DPF3: variants seen among roughly 807,000 people sequenced by gnomAD.
The protein encoded by DPF3 is double PHD fingers 3, also known as zinc finger protein DPF3.
In DPF3, 18 loss-of-function variants were observed where a neutral mutation model predicts 56.8. The ratio of observed to expected loss-of-function variants is 0.32; its 90% confidence interval spans 0.22 to 0.47. The LOEUF is 0.47. DPF3 is among the 20% of genes least tolerant of loss of function. The pLI, the probability that DPF3 is intolerant of heterozygous loss-of-function variation, is 1.00. For missense variants in DPF3, 403 were observed against 488.8 expected (o/e 0.82, Z 1.65); for synonymous variants, 188 against 180.2 (o/e 1.04, Z -0.35).
chr14:72,800,060 C>A (rs1892808481), intron 1 of DPF3, among the ~76,000 whole-genome samples: 1 of 152,138 alleles, frequency 6.6e-6, no homozygotes, highest in South Asian at 2.1e-4. Context: ...AAAAGCCCTG[C>A]CTGATGCACA....
intron 5 of DPF3, among the ~76,000 whole-genome samples, chr14:72,715,972 C>T (rs969382264): frequency 2.6e-5 from 4 of 151,734 alleles, no homozygotes; most frequent in Admixed American, 6.6e-5. Context: ...CCTGCCTGCC[C>T]GCACTGCCGA....
chr14:72,814,810 CAAA>C (rs758541296), intron 1 of DPF3, among the ~76,000 whole-genome samples: 2 of 103,144 alleles, frequency 1.9e-5, no homozygotes, highest in African/African-American at 3.5e-5. Flanking sequence ...ACTCCGTCTC[CAAA>C]AAAAAAAAAA....
At chr14:72,864,175 G>T (rs957273060) in intron 1 of DPF3, among the ~76,000 whole-genome samples, 2 of 140,618 alleles carry the variant, frequency 1.4e-5, no homozygotes, top group Non-Finnish European at 3.1e-5. Flanking sequence ...CTCACACCCA[G>T]CTCAGGGCCT....
At chr14:72,643,695 G>C (rs1439938437) in intron 8 of DPF3, among the ~76,000 whole-genome samples, 3 of 152,222 alleles carry the variant, frequency 2.0e-5, no homozygotes, top group Non-Finnish European at 4.4e-5. Context: ...GCTCCCCCAA[G>C]TGACCGCCCA....
chr14:72,618,373 C>G lies in DPF3; in HGVS notation c.*924G>C, dbSNP rs908104964. Among the ~76,000 whole-genome samples the G allele has an allele frequency of 6.6e-6, 1 of 152,182 alleles. No individual in the cohort carries two copies. The highest frequency in any genetic ancestry group is 1.5e-5 in the Non-Finnish European group (1 of 68,024). ...AGCATTCGGACACATGATTGGGCAG[C>G]CTTCGCTCCCCTTCCTGGTTCTTCA... On this transcript the variant is annotated 3_prime_UTR_variant, in exon 11 of 11. Coordinates refer to ENST00000556509, the MANE Select transcript of DPF3 (RefSeq NM_001280542.3).
chr14:72,869,337 C>T (rs1167818639), intron 1 of DPF3, among the ~76,000 whole-genome samples: 2 of 152,146 alleles, frequency 1.3e-5, no homozygotes, highest in Non-Finnish European at 2.9e-5. Flanking sequence ...AAGATAGGGT[C>T]TGTGTTGGTT....
intron 1 of DPF3, among the ~76,000 whole-genome samples, chr14:72,834,494 C>CAAAAAA (rs375709642): frequency 3.3e-5 from 3 of 91,432 alleles, no homozygotes; most frequent in African/African-American, 4.6e-5. Context: ...GAGACTGTCT[C>CAAAAAA]AAAAAAAAAA....
chr14:72,690,287 G>C (rs533032164), intron 7 of DPF3, among the ~76,000 whole-genome samples: 1 of 151,868 alleles, frequency 6.6e-6, no homozygotes, highest in Non-Finnish European at 1.5e-5. Context: ...ACGAGGGCTC[G>C]TGAGAAGATC....
rs1185273836 is a variant in DPF3, at chr14:72,613,347, G to C, written c.*5950C>G. Reference sequence around the variant, plus strand: ...GCCATTTTGCTCAATGCCTGGGCTAGAGGTCATGATAAGTAATTATATCTC... The same window carrying C: ...GCCATTTTGCTCAATGCCTGGGCTACAGGTCATGATAAGTAATTATATCTC... On this transcript the variant is annotated 3_prime_UTR_variant, in exon 11 of 11. Transcript: ENST00000556509. Among the ~76,000 whole-genome samples, 5 of 152,268 alleles carry C rather than the reference G, an allele frequency of 3.3e-5. No individual in the cohort carries two copies. In the East Asian group the frequency reaches 7.8e-4, roughly 24 times the overall value.
rs535791577 is a variant in DPF3, at chr14:72,727,329, G to A, written c.430-3601C>T. Among the ~76,000 whole-genome samples the A allele has an allele frequency of 2.6e-5, 4 of 152,290 alleles. No homozygotes were observed. The South Asian group carries it at 6.2e-4, about 24-fold the overall frequency. On this transcript the variant is annotated intron_variant, in intron 4 of 10. Coordinates refer to ENST00000556509, the MANE Select transcript of DPF3 (RefSeq NM_001280542.3). ...GCGGTGGCTCACGCCTGTAATCCCAGCACTTTGGGAGGCCGAGGCAGGCGG... is the reference window on the plus strand; with the variant it reads ...GCGGTGGCTCACGCCTGTAATCCCAACACTTTGGGAGGCCGAGGCAGGCGG...
chr14:72,715,138 A>T (rs552636736), intron 5 of DPF3, among the ~76,000 whole-genome samples: 1 of 152,324 alleles, frequency 6.6e-6, no homozygotes, highest in Middle Eastern at 3.4e-3. Flanking sequence ...GCTTTGGCTA[A>T]GGCCTCCCTG....
intron 8 of DPF3, chr14:72,671,224 T>C: frequency 6.2e-7 from 1 of 1,613,920 alleles, no homozygotes; most frequent in Non-Finnish European, 8.5e-7. Flanking sequence ...ATCGTCCTCA[T>C]CAAAGCCGTG....
At chr14:72,821,800 G>A (rs1870395228) in intron 1 of DPF3, among the ~76,000 whole-genome samples, 1 of 152,106 alleles carries the variant, frequency 6.6e-6, no homozygotes, top group Non-Finnish European at 1.5e-5. Flanking sequence ...GAGGCCAGGA[G>A]TTCAAGACTA....
In DPF3 at chr14:72,743,685, T is replaced by C. The variant is rs139266052; in HGVS notation, c.301+9579A>G. Among the ~76,000 whole-genome samples, 438 of 152,192 alleles carry C rather than the reference T, an allele frequency of 2.9e-3. 2 individuals are homozygous for C. The highest frequency in any genetic ancestry group is 0.01 in the African/African-American group (420 of 41,546). On this transcript the variant is annotated intron_variant, in intron 3 of 10. Transcript: ENST00000556509. ...AATCAGCTGGCTTTTGCCCAACATC[T>C]GCTGTGCTCCCAGGCCTTCTGGTGG...
Position 72,859,411 on chromosome 14 carries a change from T to C in DPF3, c.32+34646A>G, listed in dbSNP as rs1885294725. 2.0e-5 allele frequency among the ~76,000 whole-genome samples: 3 copies of C among 151,478 alleles called. 1 individual carries two copies. In the South Asian group the frequency reaches 6.3e-4, roughly 32 times the overall value. ...ACCTGGGGTTTCTACCACCCTTGGC[T>C]TCCTCTCTTCTTTGACTATCTATCA... is the stretch of plus-strand genomic sequence containing the variant. On this transcript the variant is annotated intron_variant, in intron 1 of 10. Coordinates refer to ENST00000556509, the MANE Select transcript of DPF3 (RefSeq NM_001280542.3).
intron 1 of DPF3, among the ~76,000 whole-genome samples, chr14:72,797,144 C>G (rs145962865): frequency 2.0e-5 from 3 of 152,310 alleles, no homozygotes; most frequent in African/African-American, 7.2e-5. Flanking sequence ...CTTCTGCTCT[C>G]CGGGAACCCT....
At chr14:72,805,069 A>ACACACACACACACACACACACACAC (rs1599457315) in intron 1 of DPF3, among the ~76,000 whole-genome samples, 1 of 22,212 alleles carries the variant, frequency 4.5e-5, no homozygotes, top group Non-Finnish European at 1.0e-4. Context: ...CACACACACA[A>ACACACACACACACACACACACACAC]ACACACAGAC....
intron 1 of DPF3, among the ~76,000 whole-genome samples, chr14:72,878,748 ATTTC>A (rs1886211853): frequency 6.6e-6 from 1 of 152,234 alleles, no homozygotes; most frequent in South Asian, 2.1e-4. Flanking sequence ...GTTTGTCTTT[ATTTC>A]TCAAGACCAA....
At position 72,781,417 on chromosome 14, in the gene DPF3, G is replaced by A. The variant is rs1891964719; in HGVS notation, c.33-9524C>T. ...TTGGGAAAGTTATGTCCGACAAACA[G>A]CTTGAACCCTAAAACATCCATCATG... On this transcript the variant is annotated intron_variant, in intron 1 of 10. Coordinates refer to ENST00000556509, the MANE Select transcript of DPF3 (RefSeq NM_001280542.3). Among the ~76,000 whole-genome samples the A allele has an allele frequency of 1.3e-5, 2 of 152,180 alleles. 1 individual carries two copies. The highest frequency in any genetic ancestry group is 4.1e-4 in the South Asian group (2 of 4,832).
Sources: gnomAD v4.1 joint callset for allele counts (sites outside exome capture counted in the v4.1 genomes callset) on GRCh38, gnomAD v4.1.1 for gene constraint, MANE v1.5 for transcripts, NCBI Gene and HGNC (gene_info 2026-07-23, HGNC 2026-07-21) for gene names.